Variants in MYCBP2 observed in about 807,000 individuals in gnomAD.
The protein encoded by MYCBP2 is E3 ubiquitin-protein ligase MYCBP2.
MYCBP2 carries 120 observed loss-of-function variants against 525.3 expected under a neutral mutation model. That is an observed-to-expected ratio of 0.23 (90% CI 0.20 to 0.27). MYCBP2 has a LOEUF of 0.27. Ranked by LOEUF, MYCBP2 falls within the 10% of genes least tolerant of loss-of-function variation. The pLI is 1.00. For missense variants in MYCBP2, 4,149 were observed against 5,657.1 expected, an observed-to-expected ratio of 0.73 and a Z score of 8.55; for synonymous variants, 1,894 against 1,955.8, an observed-to-expected ratio of 0.97 and a Z score of 0.83.
intron 46 of MYCBP2, among the ~76,000 whole-genome samples, chr13:77,153,485 T>A (rs969275405): frequency 6.6e-6 from 1 of 152,218 alleles, no homozygotes; most frequent in Non-Finnish European, 1.5e-5. Flanking sequence ...ACAGACACTA[T>A]TTTTATACAT....
chr13:77,049,189 C>T (rs1408869218), intron 82 of MYCBP2, among the ~76,000 whole-genome samples: 1 of 152,126 alleles, frequency 6.6e-6, no homozygotes, highest in Non-Finnish European at 1.5e-5. Context: ...CAGCACATCA[C>T]CCCCTCCCTC....
chr13:77,179,948 G>C (rs766320735), intron 34 of MYCBP2, among the ~76,000 whole-genome samples, 179 bp downstream of exon 34: 1 of 152,088 alleles, frequency 6.6e-6, no homozygotes, highest in Non-Finnish European at 1.5e-5. Context: ...TGGTGAGAGA[G>C]AAGTAACAAA....
intron 15 of MYCBP2, among the ~76,000 whole-genome samples, chr13:77,249,389 C>T (rs2070711235): frequency 6.6e-6 from 1 of 152,024 alleles, no homozygotes; most frequent in African/African-American, 2.4e-5. Context: ...AATTATTATA[C>T]TTGGTTAGTA....
At chr13:77,306,494 A>G (rs1468058440) in intron 1 of MYCBP2, among the ~76,000 whole-genome samples, 2 of 152,126 alleles carry the variant, frequency 1.3e-5, no homozygotes, top group Non-Finnish European at 2.9e-5. Context: ...TGGGGGGAGG[A>G]CTATAAATAA....
intron 1 of MYCBP2, among the ~76,000 whole-genome samples, chr13:77,305,350 C>T (rs1004752966): frequency 6.6e-6 from 1 of 151,888 alleles, no homozygotes; most frequent in Non-Finnish European, 1.5e-5. Flanking sequence ...ATGTTGTTTA[C>T]CCATAAAAAA....
chr13:77,195,460 G>T lies in MYCBP2; in HGVS notation c.3844-1216C>A, dbSNP rs562202890. Among the ~76,000 whole-genome samples the T allele has an allele frequency of 1.3e-4, 20 of 152,218 alleles. 1 individual carries two copies. The East Asian group carries it at 3.9e-3, about 29-fold the overall frequency. On this transcript the variant is annotated intron_variant, in intron 26 of 82. Coordinates refer to ENST00000544440, the MANE Select transcript of MYCBP2 (RefSeq NM_015057.5). ...AAAAATACAAAAATTAGCTGGGCGT[G>T]GTGGCACATGCCTGTAGTCCCAGCT... is the stretch of plus-strand genomic sequence containing the variant.
At position 77,294,141 on chromosome 13, in the gene MYCBP2, T is replaced by TATAC. The variant is rs1460788828; in HGVS notation, c.378+2457_378+2458insGTAT. On this transcript the variant is annotated intron_variant, in intron 2 of 82. Transcript: ENST00000544440. The stretch of plus-strand genomic sequence containing the variant: ...ATATATATATATATACATATATATA[T>TATAC]ACATATATATAAAATATATATAAAG... Among the ~76,000 whole-genome samples, 43 of 130,898 alleles carry TATAC rather than the reference T, an allele frequency of 3.3e-4. 1 individual carries two copies. The South Asian group carries it at 9.1e-3, about 28-fold the overall frequency. The allele number at this position is 130,898 out of a possible 152,430, so 85.9% of individuals were successfully genotyped here.
At chr13:77,090,417 C>T in intron 59 of MYCBP2, 154 bp from the exon 60 acceptor site, 1 of 517,204 alleles carries the variant, frequency 1.9e-6, no homozygotes, top group Non-Finnish European at 3.2e-6. Context: ...ATAATTTGAT[C>T]TTTTCAAATG....
chr13:77,184,802 G>A (rs528867173), intron 32 of MYCBP2, among the ~76,000 whole-genome samples: 25 of 152,254 alleles, frequency 1.6e-4, no homozygotes, highest in African/African-American at 5.1e-4. Flanking sequence ...GCCTCCTGGT[G>A]CTATCCCTGC....
chr13:77,301,658 C>T (rs1011833146), intron 1 of MYCBP2, among the ~76,000 whole-genome samples: 7 of 151,934 alleles, frequency 4.6e-5, no homozygotes, highest in African/African-American at 1.2e-4. Flanking sequence ...TAGTCTAGTT[C>T]GGGGACACTA....
intron 23 of MYCBP2, among the ~76,000 whole-genome samples, chr13:77,209,867 A>G (rs2063767758): frequency 6.6e-6 from 1 of 152,222 alleles, no homozygotes; most frequent in Admixed American, 6.5e-5. Context: ...ACACGGAAGA[A>G]AATTACCAAG....
At chr13:77,067,997 A>G in intron 70 of MYCBP2, 133 bp from the exon 71 acceptor site, 4 of 788,292 alleles carry the variant, frequency 5.1e-6, no homozygotes, top group Non-Finnish European at 7.8e-6. Flanking sequence ...GAGCAACCAC[A>G]GCTCACTGCA....
At chr13:77,241,435 C>T (rs1027854533) in intron 17 of MYCBP2, among the ~76,000 whole-genome samples, 2 of 152,020 alleles carry the variant, frequency 1.3e-5, no homozygotes, top group African/African-American at 4.8e-5. Context: ...ATTCATGTCG[C>T]TCAACCTAAT....
chr13:77,243,388 A>C (rs1217696053), intron 16 of MYCBP2, among the ~76,000 whole-genome samples: 1 of 152,146 alleles, frequency 6.6e-6, no homozygotes, highest in Non-Finnish European at 1.5e-5. Context: ...CAAGGTGGGC[A>C]GATCACCTGA....
At chr13:77,091,216 A>C (rs1047377427) in intron 59 of MYCBP2, among the ~76,000 whole-genome samples, 2 of 152,102 alleles carry the variant, frequency 1.3e-5, no homozygotes, top group African/African-American at 4.8e-5. Context: ...GTTTGAATAG[A>C]CTATAAATAC....
intron 55 of MYCBP2, among the ~76,000 whole-genome samples, chr13:77,120,580 T>G (rs2050520182): frequency 6.6e-6 from 1 of 152,196 alleles, no homozygotes; most frequent in Non-Finnish European, 1.5e-5. Flanking sequence ...CTGCTCCCTT[T>G]TACTCATGAC....
intron 73 of MYCBP2, among the ~76,000 whole-genome samples, chr13:77,063,608 A>ATTT (rs1272580162): frequency 2.0e-4 from 30 of 151,876 alleles, no homozygotes; most frequent in African/African-American, 6.8e-4. Flanking sequence ...AATAGTTAAA[A>ATTT]ATTTCTGAGG....
At chr13:77,157,742 C>T (rs973032409) in intron 45 of MYCBP2, among the ~76,000 whole-genome samples, 195 bp downstream of exon 45, 1 of 151,824 alleles carries the variant, frequency 6.6e-6, no homozygotes, top group Non-Finnish European at 1.5e-5. Flanking sequence ...ACAGTGAGAC[C>T]CTCTCTCTCA....
chr13:77,088,974 G>A lies in MYCBP2; in HGVS notation c.10583C>T (p.Ala3528Val), dbSNP rs938447878. 3 of 1,613,392 alleles carry A rather than the reference G, an allele frequency of 1.9e-6. No homozygotes were observed. Among genetic ancestry groups the A allele is most frequent in the Non-Finnish European group, 2.5e-6 (3 of 1,179,570 alleles). Residue 3528 changes from alanine to valine, a missense_variant, in exon 61 of 83, where the codon GCC becomes GTC. Ala to Val is a moderately conservative substitution (Grantham distance 64, BLOSUM62 0). Around this residue, in one of 21 missense-constraint regions of MYCBP2, gnomAD observed 509 missense variants for 789.4 expected, o/e 0.64. Transcript: ENST00000544440. ...PSPELSRLIS[A>V]HSSLSKGERN... ...TTCTCCTTTAGAAAGAGAGCTGTGGGCTGAGATTAGCCGAGAAAGCTCAGG... is the reference window on the plus strand; with the variant it reads ...TTCTCCTTTAGAAAGAGAGCTGTGGACTGAGATTAGCCGAGAAAGCTCAGG...
Sources: gnomAD v4.1 joint callset for allele counts (sites outside exome capture counted in the v4.1 genomes callset) on GRCh38, gnomAD v4.1.1 for gene constraint, gnomAD v4.1.1 regional missense constraint, MANE v1.5 for transcripts, NCBI Gene and HGNC (gene_info 2026-07-23, HGNC 2026-07-21) for gene names.